ZNF599: variants seen among roughly 807,000 people sequenced by gnomAD.
The protein encoded by ZNF599 is zinc finger protein 599.
ZNF599 carries 10 observed loss-of-function variants against 11.7 expected under a neutral mutation model. The ratio of observed to expected loss-of-function variants is 0.86; its 90% CI spans 0.53 to 1.45. The LOEUF is 1.45. Ranked by LOEUF, ZNF599 falls within the 40% of genes most tolerant of loss-of-function variation. The pLI is 0.00. For synonymous variants in ZNF599, 232 were observed against 253.2 expected (o/e 0.92, Z 0.79); for missense variants, 688 against 713.6 (o/e 0.96, Z 0.41).
Position 34,759,661 on chromosome 19 carries a change from T to A in ZNF599, c.1140A>T (p.Ser380=). The A allele has an allele frequency of 6.2e-7, 1 of 1,613,778 alleles. No individual in the cohort carries two copies. The highest frequency in any genetic ancestry group is 8.5e-7 in the Non-Finnish European group (1 of 1,179,928). ...KECGKTFCLN[S]SFTQHMRIHT... The stretch of plus-strand genomic sequence containing the variant: ...GAATCCTCATGTGCTGAGTGAAGGA[T>A]GAGTTGAGGCAAAAGGTTTTTCCAC... The change falls in exon 4 of 4, where the codon TCA becomes TCT. Residue 380 remains serine (S), a synonymous_variant. Coordinates refer to ENST00000329285, the MANE Select transcript of ZNF599 (RefSeq NM_001007248.3).
chr19:34,801,169 A>G, the ZNF599 span, among the ~76,000 whole-genome samples: 4 of 152,224 alleles, frequency 2.6e-5, no homozygotes, highest in Admixed American at 2.6e-4. Context: ...TCTCTGGTCC[A>G]TGGTTTATGT....
the ZNF599 span, among the ~76,000 whole-genome samples, chr19:34,802,146 G>T: frequency 8.5e-5 from 13 of 152,156 alleles, no homozygotes; most frequent in Non-Finnish European, 1.5e-4. Flanking sequence ...GTGAGAAGGG[G>T]CACTGACATC....
In ZNF599 at chr19:34,760,018, C is replaced by A; in HGVS notation, c.783G>T (p.Gly261=). ...GGTGAAACCTGCGTTTGAAGGCTTT[C>A]CCACACTCAATACACTTGTATGGTT... ...GEKPYKCIEC[G]KAFKRRFHLT... Residue 261 remains glycine, a synonymous_variant, in exon 4 of 4, where the codon GGG becomes GGT. Transcript: ENST00000329285. 6.2e-7 allele frequency: 1 copy of A among 1,614,088 alleles called. No individual in the cohort carries two copies. The highest frequency in any genetic ancestry group is 1.1e-5 in the South Asian group (1 of 91,076).
At chr19:34,766,794 T>A (rs1425328459) in intron 3 of ZNF599, among the ~76,000 whole-genome samples, 1 of 152,202 alleles carries the variant, frequency 6.6e-6, no homozygotes, top group Admixed American at 6.5e-5. Context: ...GTGGATGAAA[T>A]GTTAATGGAA....
intron 2 of ZNF599, among the ~76,000 whole-genome samples, chr19:34,768,891 C>A (rs1230806200): frequency 1.3e-5 from 2 of 152,186 alleles, no homozygotes; most frequent in Non-Finnish European, 2.9e-5. Flanking sequence ...TGTGTCTGTG[C>A]TCCCTTTCCA....
At chr19:34,775,961 C>T (rs143009776), upstream of ZNF599, among the ~76,000 whole-genome samples, 33 of 152,134 alleles carry the variant, frequency 2.2e-4, no homozygotes, top group Non-Finnish European at 4.0e-4. Flanking sequence ...TGAGTAGTTG[C>T]TAAATATTGA....
chr19:34,797,423 CCCA>C, the ZNF599 span, among the ~76,000 whole-genome samples: 1 of 151,932 alleles, frequency 6.6e-6, no homozygotes, highest in East Asian at 1.9e-4. Flanking sequence ...AGTTTACAGT[CCCA>C]CCAACAGTGT....
the ZNF599 span, among the ~76,000 whole-genome samples, chr19:34,793,389 T>A: frequency 6.6e-6 from 1 of 152,046 alleles, no homozygotes; most frequent in African/African-American, 2.4e-5. Flanking sequence ...TGGCATAGGG[T>A]CAGTGGTCAG....
intron 3 of ZNF599, among the ~76,000 whole-genome samples, chr19:34,761,722 G>C (rs903606652): frequency 4.6e-5 from 7 of 152,146 alleles, no homozygotes; most frequent in Non-Finnish European, 1.0e-4. Context: ...AAAATTATTT[G>C]CCACATGGAG....
chr19:34,764,571 A>G (rs1407260182), intron 3 of ZNF599: 1 of 152,238 alleles, frequency 6.6e-6, no homozygotes, highest in East Asian at 1.9e-4. Context: ...TATTCATTCA[A>G]TGATGGTAAT....
chr19:34,772,523 C>T, intron 1 of ZNF599: 13 of 1,322,616 alleles, frequency 9.8e-6, no homozygotes, highest in South Asian at 1.9e-5. Flanking sequence ...GCTCCCTCCA[C>T]AGAGAAAATT....
In ZNF599 at chr19:34,769,681, G is replaced by A. The variant is rs1187382477; in HGVS notation, c.19-126C>T. On this transcript the variant is annotated intron_variant, in intron 1 of 3. Coordinates refer to ENST00000329285, the MANE Select transcript of ZNF599 (RefSeq NM_001007248.3). ...CTGAGCAACTCCTGAGAACCACTGG[G>A]CTCTGTGGAGGCAGATGGTGCCGCT... The A allele has an allele frequency of 4.3e-6, 5 of 1,168,724 alleles. No individual in the cohort carries two copies. In the African/African-American group the frequency reaches 6.2e-5, roughly 14 times the overall value. 72.4% of individuals were successfully genotyped at this position (1,168,724 alleles called of 1,614,324 possible). A position where few individuals can be genotyped will look rare whatever the true frequency, so the allele number is the denominator to read the frequency against.
At chr19:34,787,131 T>C in the ZNF599 span, among the ~76,000 whole-genome samples, 1 of 152,006 alleles carries the variant, frequency 6.6e-6, no homozygotes, top group East Asian at 1.9e-4. Flanking sequence ...ATAGGTAAAA[T>C]AACACCACAT....
In ZNF599 at chr19:34,758,877, G is replaced by A. The variant is rs916195547; in HGVS notation, c.*157C>T. On this transcript the variant is annotated 3_prime_UTR_variant, in exon 4 of 4. Transcript: ENST00000329285. ...TTACCTGCCATAAAAAGATTTCACA[G>A]GGACAATTCTGTTTCTAGTTAGTAT... is the stretch of plus-strand genomic sequence containing the variant. 2 of 699,214 alleles carry A rather than the reference G, an allele frequency of 2.9e-6. No homozygotes were observed. Among genetic ancestry groups the A allele is most frequent in the Non-Finnish European group, 4.7e-6 (2 of 429,684 alleles). The allele number at this position is 699,214 out of a possible 1,614,324, so 43.3% of individuals were successfully genotyped here. A position where few individuals can be genotyped will look rare whatever the true frequency, so the allele number is the denominator to read the frequency against.
chr19:34,772,326 C>T (rs1600160474), intron 1 of ZNF599: 8 of 990,762 alleles, frequency 8.1e-6, no homozygotes, highest in Non-Finnish European at 9.6e-6. Context: ...AAATGCTGCT[C>T]CCGCCTCACC....
At chr19:34,770,730 A>C (rs1159819554) in intron 1 of ZNF599, among the ~76,000 whole-genome samples, 1 of 152,208 alleles carries the variant, frequency 6.6e-6, no homozygotes, top group African/African-American at 2.4e-5. Context: ...CTGGGTGAGA[A>C]TGGGATGTTG....
chr19:34,795,663 C>T, the ZNF599 span, among the ~76,000 whole-genome samples: 183 of 152,312 alleles, frequency 1.2e-3, no homozygotes, highest in African/African-American at 4.2e-3. Flanking sequence ...ACCACACATA[C>T]TCCTCATTGT....
At chr19:34,769,060 T>A (rs2069164407) in intron 2 of ZNF599, among the ~76,000 whole-genome samples, 1 of 152,186 alleles carries the variant, frequency 6.6e-6, no homozygotes, top group Non-Finnish European at 1.5e-5. Flanking sequence ...CTTCTTAGTG[T>A]CTGTGTCAAT....
Position 34,760,206 on chromosome 19 carries a change from A to C in ZNF599, c.595T>G (p.Tyr199Asp), listed in dbSNP as rs759945354. ...CCTTTCCCACATTCCGTGCATGTGT[A>C]AGGGTTATTCCTTGCATCAGTCATG... ...DPMTDARNNP[Y>D]TCTECGKGFS... Residue 199 changes from tyrosine (Y) to aspartate (D), a missense_variant, in exon 4 of 4, where the codon TAC (tyrosine) becomes GAC (aspartate). Coordinates refer to ENST00000329285, the MANE Select transcript of ZNF599 (RefSeq NM_001007248.3). 2.9e-5 allele frequency: 47 copies of C among 1,614,144 alleles called. No homozygotes were observed. Among genetic ancestry groups the C allele is most frequent in the Non-Finnish European group, 3.9e-5 (46 of 1,180,016 alleles).
Sources: allele counts gnomAD v4.1 joint callset (sites outside exome capture counted in the v4.1 genomes callset), GRCh38; gene constraint gnomAD v4.1.1; transcripts MANE v1.5; gene names NCBI Gene and HGNC (gene_info 2026-07-23, HGNC 2026-07-21).